Variants in PTPRD observed in about 807,000 individuals in gnomAD.
PTPRD encodes the protein receptor-type tyrosine-protein phosphatase delta.
A neutral mutation model predicts 214.5 loss-of-function variants in PTPRD; 34 were observed. The ratio of observed to expected loss-of-function variants is 0.16; its 90% CI spans 0.12 to 0.21. The LOEUF (loss-of-function observed/expected upper bound fraction) is 0.21. Among genes scored for constraint, PTPRD ranks in the 10% least tolerant of loss-of-function variants. The pLI is 1.00. For synonymous variants in PTPRD, 1,128 were observed against 845.7 expected (o/e 1.33, Z -5.79); for missense variants, 2,545 against 2,398.7 (o/e 1.06, Z -1.27).
chr9:10,474,606 G>A (rs1392125525), intron 2 of PTPRD, among the ~76,000 whole-genome samples: 2 of 152,082 alleles, frequency 1.3e-5, no homozygotes, highest in Non-Finnish European at 1.5e-5. Flanking sequence ...GGATGTTCAA[G>A]ACTTGAACTC....
intron 3 of PTPRD, among the ~76,000 whole-genome samples, chr9:10,223,268 CCCTATTTTCCATTG>C (rs2099577380): frequency 6.6e-6 from 1 of 151,786 alleles, no homozygotes; most frequent in Admixed American, 6.6e-5. Context: ...GTACCTTTTA[CCCTATTTTCCATTG>C]CCTTTGTCCA....
chr9:9,259,799 A>T (rs1351059946), intron 9 of PTPRD, among the ~76,000 whole-genome samples: 1 of 151,908 alleles, frequency 6.6e-6, no homozygotes, highest in Admixed American at 6.6e-5. Context: ...ACTCGCACAC[A>T]TGGTCTTCTG....
intron 21 of PTPRD, among the ~76,000 whole-genome samples, chr9:8,508,917 GTGT>G (rs1178037054): frequency 6.6e-6 from 1 of 151,528 alleles, no homozygotes; most frequent in Non-Finnish European, 1.5e-5. Context: ...GTGTGTGTGT[GTGT>G]GTGTGTAAAG....
chr9:9,090,483 G>C (rs2099773961), intron 10 of PTPRD, among the ~76,000 whole-genome samples: 1 of 152,070 alleles, frequency 6.6e-6, no homozygotes, highest in Admixed American at 6.6e-5. Context: ...GTACCACATG[G>C]GTAATGGCTT....
At chr9:8,813,449 C>T (rs1271408871) in intron 11 of PTPRD, among the ~76,000 whole-genome samples, 2 of 152,340 alleles carry the variant, frequency 1.3e-5, no homozygotes, top group African/African-American at 2.4e-5. Flanking sequence ...CTCACTGCTA[C>T]AGCCTTGACC....
chr9:8,683,193 C>T (rs865858561), intron 12 of PTPRD, among the ~76,000 whole-genome samples: 1 of 152,178 alleles, frequency 6.6e-6, no homozygotes, highest in Non-Finnish European at 1.5e-5. Context: ...GTATTTTCTG[C>T]ATGTGCTGTG....
chr9:9,884,584 G>T (rs149623942), intron 5 of PTPRD, among the ~76,000 whole-genome samples: 197 of 152,244 alleles, frequency 1.3e-3, no homozygotes, highest in Non-Finnish European at 2.2e-3. Flanking sequence ...ATTTGTAGAA[G>T]TCTGATGAGC....
At chr9:8,671,417 CA>C (rs1399425642) in intron 12 of PTPRD, among the ~76,000 whole-genome samples, 10 of 152,036 alleles carry the variant, frequency 6.6e-5, no homozygotes, top group Non-Finnish European at 8.8e-5. Flanking sequence ...TTAAAAGAAG[CA>C]AAAGGGAATG....
intron 10 of PTPRD, among the ~76,000 whole-genome samples, chr9:9,129,973 G>A (rs1004108006): frequency 2.6e-5 from 4 of 152,062 alleles, no homozygotes; most frequent in African/African-American, 9.7e-5. Context: ...CAATATCTGA[G>A]GGTATGAGTT....
intron 4 of PTPRD, among the ~76,000 whole-genome samples, chr9:9,954,493 C>A (rs73404505): frequency 6.6e-6 from 1 of 151,496 alleles, no homozygotes; most frequent in Non-Finnish European, 1.5e-5. Context: ...TTAATAAGAA[C>A]ATTACTTATA....
chr9:9,734,686 T>G (rs2098261437), intron 6 of PTPRD, 115 bp from the exon 7 acceptor site: 1 of 152,164 alleles, frequency 6.6e-6, no homozygotes. Context: ...TACTGCTGGC[T>G]GAATAAACAC....
chr9:9,605,605 A>T (rs899432875), intron 7 of PTPRD, among the ~76,000 whole-genome samples: 1 of 152,122 alleles, frequency 6.6e-6, no homozygotes, highest in East Asian at 1.9e-4. Context: ...ATGTATCATT[A>T]TGCAAATTAT....
intron 12 of PTPRD, among the ~76,000 whole-genome samples, chr9:8,718,662 C>G (rs1214001843): frequency 6.6e-6 from 1 of 152,140 alleles, no homozygotes; most frequent in East Asian, 1.9e-4. Context: ...CTATACAATT[C>G]TAAACAACCT....
At position 10,566,234 on chromosome 9, in the gene PTPRD, T is replaced by G. The variant is rs2065567684; in HGVS notation, c.-600+46164A>C. Among the ~76,000 whole-genome samples, 2 of 152,050 alleles carry G rather than the reference T, an allele frequency of 1.3e-5. 1 individual carries two copies. Among genetic ancestry groups the G allele is most frequent in the Admixed American group, 1.3e-4 (2 of 15,246 alleles). ...ATGATGAACAATGCTTCTGTATATA[T>G]TCATATATGTATATTTTTTGGTGTC... On this transcript the variant is annotated intron_variant, in intron 2 of 45. Coordinates refer to ENST00000381196, the MANE Select transcript of PTPRD (RefSeq NM_002839.4).
intron 33 of PTPRD, among the ~76,000 whole-genome samples, chr9:8,456,120 A>C (rs1369524463): frequency 2.0e-5 from 3 of 152,174 alleles, no homozygotes; most frequent in Non-Finnish European, 4.4e-5. Flanking sequence ...GTATACATTT[A>C]ATTATTCAAT....
chr9:9,889,649 C>T (rs1234443321), intron 5 of PTPRD, among the ~76,000 whole-genome samples: 2 of 152,126 alleles, frequency 1.3e-5, no homozygotes, highest in African/African-American at 4.8e-5. Context: ...GACAAAGTAG[C>T]TGGACTCTAA....
intron 12 of PTPRD, among the ~76,000 whole-genome samples, chr9:8,725,150 A>C (rs1249316697): frequency 6.6e-6 from 1 of 152,190 alleles, no homozygotes; most frequent in Non-Finnish European, 1.5e-5. Context: ...TTTAAGTGTA[A>C]AATTATTTCA....
At chr9:9,446,760 A>G (rs1337504759) in intron 8 of PTPRD, among the ~76,000 whole-genome samples, 1 of 152,198 alleles carries the variant, frequency 6.6e-6, no homozygotes, top group African/African-American at 2.4e-5. Flanking sequence ...TTCACAAACT[A>G]TGCATTTGAC....
chr9:8,556,903 A>G (rs1415733417), intron 14 of PTPRD, among the ~76,000 whole-genome samples: 2 of 152,222 alleles, frequency 1.3e-5, no homozygotes, highest in Admixed American at 6.5e-5. Context: ...AGACAAGCCA[A>G]TAAAAGGTCC....
Sources: allele counts gnomAD v4.1 joint callset (sites outside exome capture counted in the v4.1 genomes callset), GRCh38; gene constraint gnomAD v4.1.1; transcripts MANE v1.5; gene names NCBI Gene and HGNC (gene_info 2026-07-23, HGNC 2026-07-21).